Variants in ZFPM1 observed in about 807,000 individuals in gnomAD.
ZFPM1 encodes zinc finger protein, FOG family member 1.
A neutral mutation model predicts 46.3 loss-of-function variants in ZFPM1; 28 were observed. The ratio of observed to expected loss-of-function variants is 0.60; its 90% confidence interval spans 0.45 to 0.83. The LOEUF is 0.83. Among genes scored for constraint, ZFPM1 ranks in the 40% least tolerant of loss-of-function variants. The probability of loss-of-function intolerance (pLI) is 0.00; values close to 1 mark genes in which losing one functional copy is unlikely to be tolerated. For missense variants in ZFPM1, 1,878 were observed against 1,432.4 expected (o/e 1.31, Z -5.02); for synonymous variants, 957 against 675.9 (o/e 1.42, Z -6.45).
At position 88,497,743 on chromosome 16, in the gene ZFPM1, C is replaced by A. The variant is rs1372868741; in HGVS notation, c.268+8590C>A. On this transcript the variant is annotated intron_variant, in intron 3 of 9. Coordinates refer to ENST00000319555, the MANE Select transcript of ZFPM1 (RefSeq NM_153813.3). This position sits in a 1 kb window ranked among gnomAD's most constrained non-coding sequence, Gnocchi z 5.4. ...TGTCCACTATTTCCTGCCTGAGGCC[C>A]ACGAAGGGTCCCCCGCCCCAGGGTC... Among the ~76,000 whole-genome samples the A allele has an allele frequency of 6.6e-6, 1 of 152,116 alleles. No homozygotes were observed. The highest frequency in any genetic ancestry group is 1.5e-5 in the Non-Finnish European group (1 of 67,998).
intron 1 of ZFPM1, among the ~76,000 whole-genome samples, chr16:88,461,015 T>TGGGGCGGGAGGCCTGGTGAGGACCGA (rs1567525537): frequency 2.4e-4 from 2 of 8,200 alleles, no homozygotes; most frequent in African/African-American, 5.1e-4. Flanking sequence ...GACCGAGGGG[T>TGGGGCGGGAGGCCTGGTGAGGACCGA]GGGGCGGGAG....
chr16:88,534,354 A>G lies in ZFPM1; in HGVS notation c.2396A>G (p.Lys799Arg), dbSNP rs1913100002. 7.0e-7 allele frequency: 1 copy of G among 1,418,736 alleles called. No homozygotes were observed. The highest frequency in any genetic ancestry group is 1.4e-5 in the South Asian group (1 of 73,334). The allele number at this position is 1,418,736 out of a possible 1,614,324, so 87.9% of individuals were successfully genotyped here. The change falls in exon 10 of 10, where the codon AAG becomes AGG. Residue 799 changes from lysine to arginine, a missense_variant. Coordinates refer to ENST00000319555, the MANE Select transcript of ZFPM1 (RefSeq NM_153813.3). ...PAADGPIDLS[K>R]KPRRPLPGAP... ...GCCGACGGCCCCATCGACCTGAGCAAGAAGCCGCGGCGCCCGCTCCCCGGA... is the reference window on the plus strand; with the variant it reads ...GCCGACGGCCCCATCGACCTGAGCAGGAAGCCGCGGCGCCCGCTCCCCGGA...
Position 88,534,870 on chromosome 16 carries a change from G to T in ZFPM1, c.2912G>T (p.Gly971Val). The change falls in exon 10 of 10, where the codon GGC becomes GTC. Residue 971 changes from glycine to valine, a missense_variant. Coordinates refer to ENST00000319555, the MANE Select transcript of ZFPM1 (RefSeq NM_153813.3). Reference protein sequence around the residue: ...SKGTPAPLPNGNHRYCRLCNI... With the variant: ...SKGTPAPLPNVNHRYCRLCNI... Reference sequence around the variant, plus strand: ...GGCACGCCGGCGCCGCTGCCCAACGGCAACCACCGGTACTGCCGTCTTTGC... The same window carrying T: ...GGCACGCCGGCGCCGCTGCCCAACGTCAACCACCGGTACTGCCGTCTTTGC... 6.4e-7 allele frequency: 1 copy of T among 1,567,104 alleles called. No homozygotes were observed. The highest frequency in any genetic ancestry group is 8.6e-7 in the Non-Finnish European group (1 of 1,162,324).
intron 6 of ZFPM1, among the ~76,000 whole-genome samples, chr16:88,529,646 A>G (rs1241017149): frequency 1.3e-5 from 2 of 152,150 alleles, no homozygotes; most frequent in Non-Finnish European, 2.9e-5. Flanking sequence ...CAAGGTACGG[A>G]GAGTGAGCTG....
intron 3 of ZFPM1, among the ~76,000 whole-genome samples, chr16:88,492,359 C>T (rs558316234): frequency 5.3e-5 from 8 of 152,368 alleles, no homozygotes; most frequent in African/African-American, 1.9e-4. Flanking sequence ...CCCAGCCCCT[C>T]TGAACCTGGC....
chr16:88,453,555 C>T lies in ZFPM1; in HGVS notation c.-84C>T. 6.8e-6 allele frequency: 5 copies of T among 739,412 alleles called. No individual in the cohort carries two copies. The highest frequency in any genetic ancestry group is 6.6e-6 in the Non-Finnish European group (4 of 608,586). The allele number at this position is 739,412 out of a possible 1,614,324, so 45.8% of individuals were successfully genotyped here. Reference sequence around the variant, plus strand: ...CGGGGGCCGGGGGCATGAGCGGCCCCGCGGCCCCGCCGCGCCCCCGCCGCC... The same window carrying T: ...CGGGGGCCGGGGGCATGAGCGGCCCTGCGGCCCCGCCGCGCCCCCGCCGCC... On this transcript the variant is annotated 5_prime_UTR_variant, in exon 1 of 10. Coordinates refer to ENST00000319555, the MANE Select transcript of ZFPM1 (RefSeq NM_153813.3).
chr16:88,490,180 A>G (rs1909481232), intron 3 of ZFPM1, among the ~76,000 whole-genome samples: 1 of 151,790 alleles, frequency 6.6e-6, no homozygotes, highest in African/African-American at 2.4e-5. Flanking sequence ...CAGCCTCCCG[A>G]GTAGCTGGGA....
Position 88,534,928 on chromosome 16 carries a change from C to A in ZFPM1, c.2970C>A (p.Ile990=). 6.5e-7 allele frequency: 1 copy of A among 1,546,366 alleles called. No homozygotes were observed. Among genetic ancestry groups the A allele is most frequent in the South Asian group, 1.2e-5 (1 of 85,038 alleles). Residue 990 remains isoleucine, a synonymous_variant, in exon 10 of 10, where the codon ATC becomes ATA. Transcript: ENST00000319555. Reference sequence around the variant, plus strand: ...AGTTCAGCAGCCTGTCCACCTTCATCGCCCACAAGAAGTATTACTGCTCCT... The same window carrying A: ...AGTTCAGCAGCCTGTCCACCTTCATAGCCCACAAGAAGTATTACTGCTCCT... ...NIKFSSLSTF[I]AHKKYYCSSH...
upstream of ZFPM1, among the ~76,000 whole-genome samples, chr16:88,452,816 C>G (rs1256085797): frequency 6.6e-6 from 1 of 152,012 alleles, no homozygotes; most frequent in African/African-American, 2.4e-5. Flanking sequence ...GGAGCTGGCG[C>G]CGAGAGGCGG....
Position 88,535,670 on chromosome 16 carries a change from T to C in ZFPM1, c.*691T>C, listed in dbSNP as rs1324015203. 1.3e-5 allele frequency: 2 copies of C among 152,314 alleles called. No homozygotes were observed. Among genetic ancestry groups the C allele is most frequent in the African/African-American group, 4.8e-5 (2 of 41,448 alleles). The allele number at this position is 152,314 out of a possible 1,614,324, so 9.4% of individuals were successfully genotyped here. A position where few individuals can be genotyped will look rare whatever the true frequency, so the allele number is the denominator to read the frequency against. On this transcript the variant is annotated 3_prime_UTR_variant, in exon 10 of 10. Transcript: ENST00000319555. ...ACCGAGGCCGAAGCATTCCCTGGCCTCGAGGGGGTCCTGATGCTCACTGGT... is the reference window on the plus strand; with the variant it reads ...ACCGAGGCCGAAGCATTCCCTGGCCCCGAGGGGGTCCTGATGCTCACTGGT...
upstream of ZFPM1, among the ~76,000 whole-genome samples, chr16:88,451,882 G>C (rs1907296111): frequency 6.6e-6 from 1 of 152,004 alleles, no homozygotes; most frequent in South Asian, 2.1e-4. Flanking sequence ...CGCATATCCA[G>C]TGTTGTACCC....
chr16:88,507,165 C>T (rs1910707757), intron 3 of ZFPM1, among the ~76,000 whole-genome samples: 1 of 152,180 alleles, frequency 6.6e-6, no homozygotes. Context: ...ATCAGAGGAC[C>T]TGGGCTCGAC....
chr16:88,502,123 C>G (rs1322139424), intron 3 of ZFPM1, among the ~76,000 whole-genome samples: 1 of 137,152 alleles, frequency 7.3e-6, no homozygotes, highest in East Asian at 2.3e-4. Context: ...TCTCCTCCTT[C>G]TCTGCGTGTA....
chr16:88,513,177 A>C (rs1911074552), intron 3 of ZFPM1: 1 of 152,272 alleles, frequency 6.6e-6, no homozygotes, highest in East Asian at 1.9e-4. Context: ...GTGGGCTGGC[A>C]GCCCTGAAGC....
intron 1 of ZFPM1, among the ~76,000 whole-genome samples, chr16:88,462,456 G>A (rs1275289178): frequency 6.6e-6 from 1 of 152,214 alleles, no homozygotes; most frequent in Non-Finnish European, 1.5e-5. Flanking sequence ...AGGGTGGGTG[G>A]CTGCGCTAGA....
At chr16:88,488,234 G>A (rs1047383837) in intron 2 of ZFPM1, among the ~76,000 whole-genome samples, 13 of 152,134 alleles carry the variant, frequency 8.5e-5, no homozygotes, top group Admixed American at 2.6e-4. Context: ...ACTTTGACCC[G>A]GGCCGGCTTC....
chr16:88,488,104 A>G (rs1199727711), intron 2 of ZFPM1, among the ~76,000 whole-genome samples: 3 of 152,176 alleles, frequency 2.0e-5, no homozygotes, highest in Non-Finnish European at 4.4e-5. Flanking sequence ...CGTGTAGCAC[A>G]TGTGGACTCC....
At chr16:88,472,090 G>A (rs1282301004) in intron 1 of ZFPM1, among the ~76,000 whole-genome samples, 2 of 152,200 alleles carry the variant, frequency 1.3e-5, no homozygotes, top group Admixed American at 6.5e-5. Flanking sequence ...ACCCATGGCC[G>A]CCGGTAACCC....
chr16:88,486,856 G>A (rs776766629), intron 2 of ZFPM1, among the ~76,000 whole-genome samples: 7 of 152,068 alleles, frequency 4.6e-5, no homozygotes, highest in Admixed American at 3.9e-4. Context: ...GGTGCAAGTG[G>A]GTGCTGGGTG....
Sources: gnomAD v4.1 joint callset for allele counts (sites outside exome capture counted in the v4.1 genomes callset) on GRCh38, gnomAD v4.1.1 for gene constraint, Gnocchi (gnomAD v3.1) non-coding constraint, MANE v1.5 for transcripts, NCBI Gene and HGNC (gene_info 2026-07-23, HGNC 2026-07-21) for gene names.